The following EED variants were observed in gnomAD, a reference collection of about 807,000 sequenced individuals.
EED encodes the protein embryonic ectoderm development.
In EED, 9 loss-of-function variants were observed where a neutral mutation model predicts 61.0. The observed-to-expected ratio is 0.15, with a 90% CI of 0.09 to 0.26. The LOEUF (loss-of-function observed/expected upper bound fraction) is 0.26, where lower values mean the gene tolerates loss of function less well. Ranked by LOEUF, EED falls within the 10% of genes least tolerant of loss-of-function variation. The pLI, the probability that EED is intolerant of heterozygous loss-of-function variation, is 1.00. For missense variants in EED, 315 were observed against 542.3 expected, an observed-to-expected ratio of 0.58 and a Z score of 4.16; for synonymous variants, 187 against 174.4, an observed-to-expected ratio of 1.07 and a Z score of -0.57.
chr11:86,283,958 A>T, the EED span: 1 of 152,070 alleles, frequency 6.6e-6, no homozygotes, highest in African/African-American at 2.4e-5. Flanking sequence ...TGATAGAGCT[A>T]GGAGAAATAG....
chr11:86,266,526 C>T (rs890605890), intron 8 of EED, among the ~76,000 whole-genome samples: 2 of 152,056 alleles, frequency 1.3e-5, no homozygotes, highest in Admixed American at 1.3e-4. Flanking sequence ...TTTTAAATCA[C>T]TTAAGCTTAT....
chr11:86,256,743 C>A (rs578180965), intron 5 of EED, among the ~76,000 whole-genome samples: 38 of 152,252 alleles, frequency 2.5e-4, no homozygotes, highest in Middle Eastern at 3.4e-3. Context: ...CTTTTTAAAT[C>A]ATTTCCCTCT....
intron 8 of EED, among the ~76,000 whole-genome samples, chr11:86,266,873 T>G (rs533571436): frequency 1.3e-5 from 2 of 152,314 alleles, no homozygotes; most frequent in East Asian, 3.9e-4. Flanking sequence ...ATGTTAACTT[T>G]GTTGGCACTT....
At chr11:86,269,106 C>G (rs1309520478) in intron 9 of EED, among the ~76,000 whole-genome samples, 1 of 152,188 alleles carries the variant, frequency 6.6e-6, no homozygotes, top group African/African-American at 2.4e-5. Context: ...CCCAGCCTAT[C>G]TTAAATGTGC....
chr11:86,266,012 C>T (rs1316925296), intron 7 of EED, 71 bp from the exon 8 acceptor site: 7 of 1,381,506 alleles, frequency 5.1e-6, no homozygotes, highest in Middle Eastern at 5.2e-4. Flanking sequence ...CTATGTTGCA[C>T]ATTAGGCAAA....
intron 5 of EED, among the ~76,000 whole-genome samples, 172 bp from the exon 6 acceptor site, chr11:86,257,340 CTTT>C (rs374892814): frequency 2.9e-5 from 3 of 101,802 alleles, no homozygotes; most frequent in Admixed American, 9.6e-5. Flanking sequence ...TGCCTGGGGT[CTTT>C]TTTTTTTTTT....
At position 86,245,133 on chromosome 11, in the gene EED, C is replaced by T. The variant is rs1038718876; in HGVS notation, c.-97C>T. ...GGGGCGGTGGAGGTGGCGGCGGCAG[C>T]GGCAACTTTGCGGCAAGCTCGGGCC... On this transcript the variant is annotated 5_prime_UTR_variant, in exon 1 of 12. Transcript: ENST00000263360. 6 of 935,606 alleles carry T rather than the reference C, an allele frequency of 6.4e-6. No homozygotes were observed. In the African/African-American group the frequency reaches 8.7e-5, roughly 14 times the overall value. The allele number at this position is 935,606 out of a possible 1,614,324, so 58.0% of individuals were successfully genotyped here.
downstream of EED, among the ~76,000 whole-genome samples, chr11:86,281,241 A>C (rs1202078294): frequency 6.6e-6 from 1 of 152,078 alleles, no homozygotes; most frequent in Non-Finnish European, 1.5e-5. Context: ...TAATTCTTTA[A>C]ATGTTTAATA....
intron 3 of EED, among the ~76,000 whole-genome samples, chr11:86,252,967 T>C (rs2138144250): frequency 6.6e-6 from 1 of 152,258 alleles, no homozygotes; most frequent in East Asian, 1.9e-4. Flanking sequence ...ATGCTGGTCT[T>C]GAACTCTTGG....
At chr11:86,267,777 T>TC (rs1946017558) in intron 8 of EED, 1 of 147,306 alleles carries the variant, frequency 6.8e-6, no homozygotes, top group Non-Finnish European at 1.5e-5. Flanking sequence ...TTTTTTTTTT[T>TC]TTTTTTTTTG....
At chr11:86,283,056 A>G (rs547481071), downstream of EED, among the ~76,000 whole-genome samples, 15 of 152,180 alleles carry the variant, frequency 9.9e-5, no homozygotes, top group South Asian at 3.1e-3. Context: ...GAAAAAAAAG[A>G]ACAACAAACA....
chr11:86,266,300 C>G, intron 8 of EED, 84 bp downstream of exon 8: 1 of 1,238,254 alleles, frequency 8.1e-7, no homozygotes, highest in South Asian at 1.8e-5. Context: ...GCTATATAAG[C>G]CCCAACAATG....
At chr11:86,248,101 C>G (rs1056133857) in intron 1 of EED, among the ~76,000 whole-genome samples, 24 of 152,228 alleles carry the variant, frequency 1.6e-4, no homozygotes, top group African/African-American at 5.5e-4. Flanking sequence ...CCCTGTGTCT[C>G]TTTCCTCGTT....
At chr11:86,283,595 A>G (rs993925799), downstream of EED, among the ~76,000 whole-genome samples, 12 of 152,258 alleles carry the variant, frequency 7.9e-5, no homozygotes, top group Non-Finnish European at 1.6e-4. Context: ...TAACAGTAAG[A>G]GGCTATGATG....
At chr11:86,256,902 G>A (rs1248264453) in intron 5 of EED, among the ~76,000 whole-genome samples, 1 of 152,122 alleles carries the variant, frequency 6.6e-6, no homozygotes, top group African/African-American at 2.4e-5. Context: ...AAGAAGACGG[G>A]TTTTTCAAAT....
At chr11:86,264,646 G>GT (rs1945929960) in intron 7 of EED, 1 of 158,372 alleles carries the variant, frequency 6.3e-6, no homozygotes, top group Admixed American at 6.4e-5. Context: ...GAAACATAAC[G>GT]TTTTTTGCTA....
At position 86,262,520 on chromosome 11, in the gene EED, G is replaced by GGC. The variant is rs1945858936; in HGVS notation, c.635-1651_635-1650dup. Among the ~76,000 whole-genome samples, 4 of 152,224 alleles carry GGC rather than the reference G, an allele frequency of 2.6e-5. No homozygotes were observed. The South Asian group carries it at 8.3e-4, about 32-fold the overall frequency. ...CTTGTCACCCAGGCTGGAGTGCAGT[G>GGC]GCACAACCTCTGCTCCCTCACACCC... On this transcript the variant is annotated intron_variant, in intron 6 of 11. Transcript: ENST00000263360.
chr11:86,247,606 T>C (rs1945423746), intron 1 of EED, among the ~76,000 whole-genome samples: 1 of 152,210 alleles, frequency 6.6e-6, no homozygotes, highest in Non-Finnish European at 1.5e-5. Flanking sequence ...ATTTTAAAGG[T>C]GGCAAAAATT....
At chr11:86,260,043 A>G (rs1945786950) in intron 6 of EED, among the ~76,000 whole-genome samples, 1 of 152,212 alleles carries the variant, frequency 6.6e-6, no homozygotes, top group South Asian at 2.1e-4. Context: ...CCCCAACAGA[A>G]ATAACATGTC....
Sources: gnomAD v4.1 joint callset for allele counts (sites outside exome capture counted in the v4.1 genomes callset) on GRCh38, gnomAD v4.1.1 for gene constraint, MANE v1.5 for transcripts, NCBI Gene and HGNC (gene_info 2026-07-23, HGNC 2026-07-21) for gene names.